PKP4: variants seen among roughly 807,000 people sequenced by gnomAD.
PKP4 encodes the protein plakophilin 4.
In PKP4, 90 loss-of-function variants were observed where a neutral mutation model predicts 145.1. The observed-to-expected ratio is 0.62, with a 90% CI of 0.52 to 0.74. The LOEUF (loss-of-function observed/expected upper bound fraction) is 0.74, where lower values mean the gene tolerates loss of function less well. PKP4 is among the 30% of genes least tolerant of loss of function. The pLI is 0.00. For synonymous variants in PKP4, 563 were observed against 577.2 expected (o/e 0.98, Z 0.35); for missense variants, 1,340 against 1,482.7 (o/e 0.90, Z 1.58).
chr2:158,584,199 G>A (rs1022051958), intron 3 of PKP4, among the ~76,000 whole-genome samples: 2 of 152,156 alleles, frequency 1.3e-5, no homozygotes, highest in African/African-American at 4.8e-5. Context: ...CTGCCTGGGC[G>A]GTATTCTGAC....
chr2:158,577,989 A>C (rs1162328050), intron 3 of PKP4, among the ~76,000 whole-genome samples: 3 of 152,192 alleles, frequency 2.0e-5, no homozygotes, highest in African/African-American at 7.2e-5. Flanking sequence ...CGAATAGTTA[A>C]ATCACTGCTT....
chr2:158,605,520 TG>T (rs1231232592), intron 4 of PKP4, among the ~76,000 whole-genome samples: 3 of 152,196 alleles, frequency 2.0e-5, no homozygotes, highest in African/African-American at 7.2e-5. Context: ...ATTGCAGGTT[TG>T]TTTTTTTTAT....
intron 1 of PKP4, among the ~76,000 whole-genome samples, chr2:158,459,891 T>C (rs1405664918): frequency 6.6e-6 from 1 of 152,212 alleles, no homozygotes; most frequent in African/African-American, 2.4e-5. Context: ...AGAAATGCTT[T>C]CTATTTGTTA....
intron 11 of PKP4, among the ~76,000 whole-genome samples, chr2:158,643,627 A>G (rs2054516118): frequency 9.0e-6 from 1 of 110,960 alleles, no homozygotes; most frequent in Non-Finnish European, 2.1e-5. Flanking sequence ...TAGGGGGATC[A>G]CTTAAGCCCA....
chr2:158,517,620 T>C (rs554884322), intron 1 of PKP4, among the ~76,000 whole-genome samples: 3 of 152,138 alleles, frequency 2.0e-5, no homozygotes, highest in Non-Finnish European at 4.4e-5. Flanking sequence ...AAGATAATCC[T>C]GGGTAGTAGC....
chr2:158,649,934 ACT>A (rs2055196870), intron 11 of PKP4, among the ~76,000 whole-genome samples: 1 of 152,246 alleles, frequency 6.6e-6, no homozygotes, highest in Non-Finnish European at 1.5e-5. Context: ...GCACCAGACA[ACT>A]GGGTTGAAGA....
chr2:158,532,772 T>C (rs2105625679), intron 1 of PKP4, among the ~76,000 whole-genome samples: 1 of 152,382 alleles, frequency 6.6e-6, no homozygotes, highest in Non-Finnish European at 1.5e-5. Flanking sequence ...AAGGGTGACC[T>C]TGTTGCTAGT....
At chr2:158,547,957 G>A (rs1318206695) in intron 2 of PKP4, among the ~76,000 whole-genome samples, 1 of 152,206 alleles carries the variant, frequency 6.6e-6, no homozygotes, top group African/African-American at 2.4e-5. Context: ...TGCTGAGGCT[G>A]GGTGAAGCTG....
intron 9 of PKP4, among the ~76,000 whole-genome samples, chr2:158,634,868 G>T (rs2105919732): frequency 7.1e-6 from 1 of 140,994 alleles, no homozygotes; most frequent in Non-Finnish European, 1.6e-5. Context: ...TCCTCCTTCT[G>T]ATTTTATTTG....
intron 2 of PKP4, among the ~76,000 whole-genome samples, chr2:158,576,616 G>A (rs2047875608): frequency 6.6e-6 from 1 of 152,176 alleles, no homozygotes; most frequent in African/African-American, 2.4e-5. Flanking sequence ...TATAATTTCT[G>A]TAGACTATCT....
At chr2:158,564,208 T>G (rs1247386750) in intron 2 of PKP4, among the ~76,000 whole-genome samples, 1 of 152,100 alleles carries the variant, frequency 6.6e-6, no homozygotes. Flanking sequence ...CTGCTGTGTC[T>G]CATTCACAGT....
intron 11 of PKP4, among the ~76,000 whole-genome samples, chr2:158,645,293 T>A (rs1020590208): frequency 6.6e-6 from 1 of 152,162 alleles, no homozygotes; most frequent in African/African-American, 2.4e-5. Context: ...TACATGTAGA[T>A]ATAAAATGAA....
At chr2:158,609,731 G>A (rs1337394426) in intron 4 of PKP4, among the ~76,000 whole-genome samples, 2 of 152,182 alleles carry the variant, frequency 1.3e-5, no homozygotes, top group Non-Finnish European at 2.9e-5. Context: ...ACCTACTGCA[G>A]CATCATTTTC....
intron 2 of PKP4, among the ~76,000 whole-genome samples, chr2:158,544,894 TAATG>T (rs1404800500): frequency 6.6e-6 from 1 of 152,148 alleles, no homozygotes; most frequent in Non-Finnish European, 1.5e-5. Flanking sequence ...AGCTAGAGCT[TAATG>T]AATGAAAGTC....
chr2:158,512,053 T>A (rs2041566083), intron 1 of PKP4, among the ~76,000 whole-genome samples: 1 of 152,224 alleles, frequency 6.6e-6, no homozygotes, highest in Non-Finnish European at 1.5e-5. Flanking sequence ...ATAATTCTAT[T>A]ACATATGCAT....
chr2:158,578,054 T>C (rs1358608884), intron 3 of PKP4: 1 of 166,576 alleles, frequency 6.0e-6, no homozygotes, highest in Non-Finnish European at 1.5e-5. Context: ...AAGCCTACTG[T>C]AAAATGCTTT....
intron 1 of PKP4, among the ~76,000 whole-genome samples, chr2:158,480,252 A>G (rs10432567): frequency 0.38 from 57,681 of 152,040 alleles, 11,837 homozygotes; most frequent in East Asian, 0.68. Flanking sequence ...ATTTTATTTT[A>G]TTGAGACAGA....
intron 2 of PKP4, among the ~76,000 whole-genome samples, chr2:158,562,828 A>G (rs1206782760): frequency 2.0e-5 from 3 of 152,190 alleles, no homozygotes; most frequent in African/African-American, 4.8e-5. Context: ...TCAAAATTTA[A>G]AGTTAATTGG....
chr2:158,653,196 G>A (rs996461176), intron 11 of PKP4, among the ~76,000 whole-genome samples: 1 of 152,134 alleles, frequency 6.6e-6, no homozygotes, highest in Non-Finnish European at 1.5e-5. Context: ...CAGTTGTATA[G>A]GCTGCCATGC....
Sources: allele counts gnomAD v4.1 joint callset (sites outside exome capture counted in the v4.1 genomes callset), GRCh38; gene constraint gnomAD v4.1.1; transcripts MANE v1.5; gene names NCBI Gene and HGNC (gene_info 2026-07-23, HGNC 2026-07-21).